The following MAPK6 variants were observed in gnomAD, a reference collection of about 807,000 sequenced individuals.
MAPK6 encodes the protein ERK-3.
MAPK6 carries 19 observed loss-of-function variants against 59.3 expected under a neutral mutation model. The ratio of observed to expected loss-of-function variants is 0.32; its 90% confidence interval spans 0.22 to 0.47. The LOEUF (loss-of-function observed/expected upper bound fraction) is 0.47. Among genes scored for constraint, MAPK6 ranks in the 20% least tolerant of loss-of-function variants. MAPK6 has a pLI of 1.00. For missense variants in MAPK6, 724 were observed against 847.9 expected (o/e 0.85, Z 1.81); for synonymous variants, 316 against 290.3 (o/e 1.09, Z -0.90).
chr15:52,004,701 T>C lies in MAPK6; in HGVS notation c.-632+299T>C, dbSNP rs556453179. On this transcript the variant is annotated intron_variant, in intron 3 of 7. Transcript: ENST00000691380. ...TGATCTCAAGAGGGCAAGAACGATC[T>C]CCAGAGGGCAAGACATTGAACTTGA... Among the ~76,000 whole-genome samples, 23 of 152,264 alleles carry C rather than the reference T, an allele frequency of 1.5e-4. No individual in the cohort carries two copies. The East Asian group carries it at 4.2e-3, about 28-fold the overall frequency.
At position 51,997,652 on chromosome 15, in the gene MAPK6, G is replaced by A. The variant is rs1422017967; in HGVS notation, c.-769-6613G>A. Among the ~76,000 whole-genome samples the A allele has an allele frequency of 8.0e-5, 11 of 137,812 alleles. No individual in the cohort carries two copies. The East Asian group carries it at 1.8e-3, about 22-fold the overall frequency. 90.4% of individuals were successfully genotyped at this position (137,812 alleles called of 152,430 possible). A position where few individuals can be genotyped will look rare whatever the true frequency, so the allele number is the denominator to read the frequency against. On this transcript the variant is annotated intron_variant, in intron 2 of 7. Coordinates refer to the MAPK6 transcript ENST00000691380. ...GTTGCCCAGGCTGGAATGCAATGGCGTGATCTCGGCTCACTGCAAACTCTG... is the reference window on the plus strand; with the variant it reads ...GTTGCCCAGGCTGGAATGCAATGGCATGATCTCGGCTCACTGCAAACTCTG...
At chr15:52,051,861 C>CTCTG (rs1491316701) in intron 3 of MAPK6, among the ~76,000 whole-genome samples, 2 of 142,682 alleles carry the variant, frequency 1.4e-5, no homozygotes, top group East Asian at 3.9e-4. Context: ...GCGACAGAGA[C>CTCTG]TCTGTCTCAA....
upstream of MAPK6, chr15:52,017,423 G>A (rs1892215348): frequency 6.6e-6 from 1 of 152,202 alleles, no homozygotes; most frequent in Non-Finnish European, 1.5e-5. Flanking sequence ...AGATTACAAA[G>A]TACACTGATC....
chr15:52,026,612 G>C (rs2030788117), intron 1 of MAPK6, among the ~76,000 whole-genome samples: 1 of 152,070 alleles, frequency 6.6e-6, no homozygotes, highest in Non-Finnish European at 1.5e-5. Context: ...ACCTTATGCA[G>C]TGGGAAGATT....
intron 5 of MAPK6, 92 bp downstream of exon 5, chr15:52,061,592 G>A (rs2032202486): frequency 2.1e-6 from 2 of 956,204 alleles, no homozygotes; most frequent in African/African-American, 1.7e-5. Context: ...ATAAGACATT[G>A]TAGAAGTCTT....
intron 1 of MAPK6, among the ~76,000 whole-genome samples, chr15:51,973,659 C>CT (rs879633754): frequency 8.2e-5 from 12 of 146,934 alleles, no homozygotes; most frequent in Admixed American, 6.8e-5. Flanking sequence ...TTTGGCTACA[C>CT]TTTTTTTTTT....
chr15:52,048,724 T>G (rs367904247), intron 2 of MAPK6, among the ~76,000 whole-genome samples: 1 of 150,866 alleles, frequency 6.6e-6, no homozygotes, highest in African/African-American at 2.4e-5. Flanking sequence ...AGGCCAGGAG[T>G]TTGAGACCAA....
chr15:52,064,881 C>A lies in MAPK6; in HGVS notation c.2047C>A (p.His683Asn), dbSNP rs530931440. The A allele has an allele frequency of 1.5e-4, 245 of 1,611,964 alleles. No homozygotes were observed. Among genetic ancestry groups the A allele is most frequent in the Non-Finnish European group, 1.9e-4 (226 of 1,179,838 alleles). The change falls in exon 6 of 6, where the codon CAC becomes AAC. Residue 683 changes from histidine (H) to asparagine (N), a missense_variant. Physicochemically the swap from His to Asn is moderately conservative, Grantham distance 68. This residue lies in a region of MAPK6 where 502 missense variants were observed against 507.6 expected (regional missense o/e 0.99). Transcript: ENST00000261845. Reference sequence around the variant, plus strand: ...CGAGTCCATAGGCATCCCACAGTTTCACAGTCCAGTTGGGTCACCACTTAA... The same window carrying A: ...CGAGTCCATAGGCATCCCACAGTTTAACAGTCCAGTTGGGTCACCACTTAA... Reference protein sequence around the residue: ...QLESIGIPQFHSPVGSPLKSI... With the variant: ...QLESIGIPQFNSPVGSPLKSI...
At chr15:52,031,286 G>A (rs1318694777) in intron 1 of MAPK6, among the ~76,000 whole-genome samples, 1 of 152,188 alleles carries the variant, frequency 6.6e-6, no homozygotes, top group Non-Finnish European at 1.5e-5. Context: ...GTTGGGGAGT[G>A]AAGGGAGATA....
At chr15:51,987,377 G>A (rs1259460691) in intron 2 of MAPK6, among the ~76,000 whole-genome samples, 2 of 152,072 alleles carry the variant, frequency 1.3e-5, no homozygotes, top group Non-Finnish European at 2.9e-5. Flanking sequence ...AGGCCAAGGC[G>A]GCAGATCACT....
chr15:52,019,234 T>G lies in MAPK6; in HGVS notation c.-774T>G, dbSNP rs1366985010. 1.3e-5 allele frequency: 2 copies of G among 151,658 alleles called. No individual in the cohort carries two copies. The highest frequency in any genetic ancestry group is 4.8e-5 in the African/African-American group (2 of 41,240). 9.4% of individuals were successfully genotyped at this position (151,658 alleles called of 1,614,324 possible). A position where few individuals can be genotyped will look rare whatever the true frequency, so the allele number is the denominator to read the frequency against. ...CCCGCCCCCTCTTCCTCGCCCTCTCTCGCGGGTCGGGGTTACATGGCGGCG... is the reference window on the plus strand; with the variant it reads ...CCCGCCCCCTCTTCCTCGCCCTCTCGCGCGGGTCGGGGTTACATGGCGGCG... On this transcript the variant is annotated 5_prime_UTR_variant, in exon 1 of 6. Coordinates refer to ENST00000261845, the MANE Select transcript of MAPK6 (RefSeq NM_002748.4).
intron 3 of MAPK6, chr15:52,056,830 CTGA>C (rs754966597): frequency 1.3e-5 from 2 of 151,262 alleles, no homozygotes; most frequent in Admixed American, 6.6e-5. Flanking sequence ...TTATCTATAT[CTGA>C]TGATGACTCC....
chr15:52,040,388 G>T (rs758068251), intron 1 of MAPK6, among the ~76,000 whole-genome samples: 8 of 152,198 alleles, frequency 5.3e-5, no homozygotes, highest in Non-Finnish European at 1.2e-4. Flanking sequence ...GAGGGGATGG[G>T]GGAAGTGCTG....
At chr15:52,058,341 CTT>C (rs2032060767) in intron 3 of MAPK6, among the ~76,000 whole-genome samples, 1 of 152,106 alleles carries the variant, frequency 6.6e-6, no homozygotes, top group African/African-American at 2.4e-5. Flanking sequence ...ATCCAGATCT[CTT>C]GAATCTCAGT....
At chr15:52,019,703 G>A (rs1014871687) in intron 1 of MAPK6, among the ~76,000 whole-genome samples, 2 of 149,900 alleles carry the variant, frequency 1.3e-5, no homozygotes, top group African/African-American at 4.9e-5. Context: ...CGGTCGCCCT[G>A]CCAGGCCGCG....
chr15:52,027,363 A>AAAAAAAAAG (rs916736454), intron 1 of MAPK6, among the ~76,000 whole-genome samples: 3 of 149,672 alleles, frequency 2.0e-5, no homozygotes, highest in Non-Finnish European at 4.5e-5. Context: ...AAAAAAAAAA[A>AAAAAAAAAG]AAAAAGAAAA....
chr15:52,053,225 G>A (rs2031841457), intron 3 of MAPK6, among the ~76,000 whole-genome samples: 1 of 151,820 alleles, frequency 6.6e-6, no homozygotes, highest in South Asian at 2.1e-4. Flanking sequence ...AAAGGCTTGT[G>A]CCACCACGCC....
chr15:51,994,303 G>A (rs568356574), intron 2 of MAPK6, among the ~76,000 whole-genome samples: 1 of 152,212 alleles, frequency 6.6e-6, no homozygotes, highest in African/African-American at 2.4e-5. Flanking sequence ...AAGGAACCAG[G>A]GCCCCTTGGA....
At chr15:52,059,180 T>G (rs1297567806) in intron 4 of MAPK6, among the ~76,000 whole-genome samples, 3 of 152,238 alleles carry the variant, frequency 2.0e-5, no homozygotes, top group Non-Finnish European at 2.9e-5. Flanking sequence ...ACATTCTTAA[T>G]CAGTCTTTGA....
Sources: gnomAD v4.1 joint callset for allele counts (sites outside exome capture counted in the v4.1 genomes callset) on GRCh38, gnomAD v4.1.1 for gene constraint, gnomAD v4.1.1 regional missense constraint, MANE v1.5 for transcripts, NCBI Gene and HGNC (gene_info 2026-07-23, HGNC 2026-07-21) for gene names.